Variants in TES observed in about 807,000 individuals in gnomAD.
TES encodes the protein testin.
TES carries 41 observed loss-of-function variants against 48.2 expected under a neutral mutation model. That is an observed-to-expected ratio of 0.85 (90% CI 0.66 to 1.10). The LOEUF (loss-of-function observed/expected upper bound fraction) is 1.10, where lower values mean the gene tolerates loss of function less well. TES is among the 50% of genes least tolerant of loss of function. TES has a pLI of 0.00. For synonymous variants in TES, 162 were observed against 174.9 expected (o/e 0.93, Z 0.58); for missense variants, 463 against 515.1 (o/e 0.90, Z 0.98).
intron 1 of TES, among the ~76,000 whole-genome samples, chr7:116,214,005 GAGAA>G (rs949841844): frequency 6.6e-6 from 1 of 152,020 alleles, no homozygotes; most frequent in African/African-American, 2.4e-5. Flanking sequence ...CATACCAACA[GAGAA>G]AGAGAACTAC....
At chr7:116,244,468 C>T (rs998756891) in intron 2 of TES, among the ~76,000 whole-genome samples, 3 of 152,246 alleles carry the variant, frequency 2.0e-5, no homozygotes, top group Non-Finnish European at 4.4e-5. Context: ...TGTCCTTTGA[C>T]TTCATGTCTC....
intron 6 of TES, chr7:116,252,741 C>T: frequency 2.1e-6 from 1 of 469,196 alleles, no homozygotes; most frequent in Non-Finnish European, 3.9e-6. Context: ...TAAAAAAATT[C>T]TTAATGGGAA....
chr7:116,248,606 A>G (rs1799959578), intron 2 of TES, among the ~76,000 whole-genome samples: 1 of 152,086 alleles, frequency 6.6e-6, no homozygotes. Context: ...ATATCTGTTC[A>G]TGTCCTTTGC....
intron 1 of TES, among the ~76,000 whole-genome samples, chr7:116,233,914 A>T (rs949348414): frequency 6.6e-6 from 1 of 152,150 alleles, no homozygotes; most frequent in African/African-American, 2.4e-5. Context: ...AATCCCATCA[A>T]TGAGGGTGGA....
chr7:116,217,711 C>G (rs1207913948), intron 1 of TES: 7 of 503,984 alleles, frequency 1.4e-5, no homozygotes, highest in Non-Finnish European at 2.4e-5. Context: ...AACTTCACTA[C>G]TGTTCTTTGA....
rs1800127126 is a variant in TES at position 116,257,877 on chromosome 7, A to AG, written c.*395_*396insG. ...CCCCCTCATGTGTAAAATGAAAAGAAAACTAAATTTGCCCTAATACCAAGG... is the reference window on the plus strand; with the variant it reads ...CCCCCTCATGTGTAAAATGAAAAGAAGAACTAAATTTGCCCTAATACCAAGG... On this transcript the variant is annotated 3_prime_UTR_variant, in exon 7 of 7. Transcript: ENST00000358204. 2 of 158,608 alleles carry AG rather than the reference A, an allele frequency of 1.3e-5. No individual in the cohort carries two copies. Among genetic ancestry groups the AG allele is most frequent in the Non-Finnish European group, 2.8e-5 (2 of 72,064 alleles). 9.8% of individuals were successfully genotyped at this position (158,608 alleles called of 1,614,324 possible).
At chr7:116,252,293 A>G (rs2116630457) in intron 5 of TES, 25 bp from the exon 6 acceptor site, 1 of 1,587,982 alleles carries the variant, frequency 6.3e-7, no homozygotes, top group East Asian at 2.3e-5. Context: ...ATAAAAATCC[A>G]TCTTTATTTT....
Position 116,249,185 on chromosome 7 carries a change from A to G in TES, c.279A>G (p.Ile93Met). ...CCATGTATAAACGCAATGTTATGAT[A>G]TTGACGAATCCAGTTGCTGCCAAGA... ...GIPMYKRNVM[I>M]LTNPVAAKKN... The change falls in exon 3 of 7, where the codon ATA (isoleucine) becomes ATG (methionine). Residue 93 changes from isoleucine (I) to methionine (M), a missense_variant. By Grantham distance (10) the Ile-to-Met change is conservative. Coordinates refer to ENST00000358204, the MANE Select transcript of TES (RefSeq NM_015641.4). 6.2e-7 allele frequency: 1 copy of G among 1,614,122 alleles called. No homozygotes were observed. The highest frequency in any genetic ancestry group is 1.3e-5 in the African/African-American group (1 of 75,062).
intron 2 of TES, among the ~76,000 whole-genome samples, chr7:116,245,503 A>G (rs1799910050): frequency 6.6e-6 from 1 of 152,136 alleles, no homozygotes; most frequent in South Asian, 2.1e-4. Flanking sequence ...AAACTCATTC[A>G]ACAAGTCTCT....
rs754442503 is a variant in TES, at chr7:116,249,119, G to C, written c.213G>C (p.Lys71Asn). ...TGGGAAAACTTTTTGAAGACACCAA[G>C]TATACCACTCTGATTGCAAAACTAA... ...RKVGKLFEDT[K>N]YTTLIAKLKS... is the part of the protein sequence containing the mutation. The change falls in exon 3 of 7, where the codon AAG becomes AAC. Residue 71 changes from lysine (K) to asparagine (N), a missense_variant. Transcript: ENST00000358204. 36 of 1,613,948 alleles carry C rather than the reference G, an allele frequency of 2.2e-5. No homozygotes were observed. The highest frequency in any genetic ancestry group is 2.8e-5 in the Non-Finnish European group (33 of 1,179,966).
chr7:116,236,355 G>A (rs749639415), intron 2 of TES, among the ~76,000 whole-genome samples: 1 of 152,038 alleles, frequency 6.6e-6, no homozygotes, highest in Non-Finnish European at 1.5e-5. Context: ...CGTGTGACAG[G>A]TTGCATTCAA....
At chr7:116,229,033 T>TATATATATATATATATATATATATAA (rs1417517023) in intron 1 of TES, among the ~76,000 whole-genome samples, 116 of 115,194 alleles carry the variant, frequency 1.0e-3, no homozygotes, top group Admixed American at 1.2e-3. Context: ...TATATATATA[T>TATATATATATATATATATATATATAA]AATCATTTCC....
chr7:116,233,925 G>A (rs949174044), intron 1 of TES, among the ~76,000 whole-genome samples: 1 of 152,112 alleles, frequency 6.6e-6, no homozygotes, highest in Admixed American at 6.5e-5. Flanking sequence ...TGAGGGTGGA[G>A]CCCTCATTGC....
rs1799424600 is a variant in TES, at chr7:116,210,684, A to AG, written c.-20dup. On this transcript the variant is annotated 5_prime_UTR_variant, in exon 1 of 7. Transcript: ENST00000358204. ...CCGTGGGATCCCGGATAGGAGGAGGAGGGGACCCATAGGACGCGTTAACAT... is the reference window on the plus strand; with the variant it reads ...CCGTGGGATCCCGGATAGGAGGAGGAGGGGGACCCATAGGACGCGTTAACAT... 7.7e-7 allele frequency: 1 copy of AG among 1,299,098 alleles called. No individual in the cohort carries two copies. Among genetic ancestry groups the AG allele is most frequent in the Non-Finnish European group, 9.9e-7 (1 of 1,012,472 alleles). 80.5% of individuals were successfully genotyped at this position (1,299,098 alleles called of 1,614,324 possible). A position where few individuals can be genotyped will look rare whatever the true frequency, so the allele number is the denominator to read the frequency against.
intron 6 of TES, 138 bp downstream of exon 6, chr7:116,252,614 T>C (rs779864728): frequency 1.6e-6 from 2 of 1,261,506 alleles, no homozygotes; most frequent in South Asian, 2.5e-5. Flanking sequence ...CCACAGGGTG[T>C]TAAAATCAAG....
At chr7:116,241,011 C>T (rs961505436) in intron 2 of TES, among the ~76,000 whole-genome samples, 4 of 152,070 alleles carry the variant, frequency 2.6e-5, no homozygotes, top group African/African-American at 9.7e-5. Context: ...TATAAAACCA[C>T]GTTTTTAAAG....
chr7:116,234,732 T>C (rs758334696), intron 2 of TES, 113 bp downstream of exon 2: 34 of 802,804 alleles, frequency 4.2e-5, no homozygotes, highest in Non-Finnish European at 6.3e-5. Flanking sequence ...TGCAGACCTG[T>C]TACTGTCTTT....
intron 2 of TES, among the ~76,000 whole-genome samples, chr7:116,247,786 G>C (rs1563013490): frequency 2.0e-5 from 3 of 152,144 alleles, no homozygotes. Flanking sequence ...ATTAGTGACT[G>C]ATAATTCTGC....
chr7:116,221,014 G>T (rs1467111166), intron 1 of TES, among the ~76,000 whole-genome samples: 2 of 152,072 alleles, frequency 1.3e-5, no homozygotes, highest in Non-Finnish European at 2.9e-5. Flanking sequence ...ATATTGTCAA[G>T]AATTTTATGA....
Sources: gnomAD v4.1 joint callset for allele counts (sites outside exome capture counted in the v4.1 genomes callset) on GRCh38, gnomAD v4.1.1 for gene constraint, MANE v1.5 for transcripts, NCBI Gene and HGNC (gene_info 2026-07-23, HGNC 2026-07-21) for gene names.